The following MGAT5 variants were observed in gnomAD, a reference collection of about 807,000 sequenced individuals.
MGAT5 encodes the protein alpha-1,6-mannosylglycoprotein 6-beta-N-acetylglucosaminyltransferase.
A neutral mutation model predicts 94.3 loss-of-function variants in MGAT5; 30 were observed. The ratio of observed to expected loss-of-function variants is 0.32; its 90% CI spans 0.24 to 0.43. The LOEUF is 0.43. Among genes scored for constraint, MGAT5 ranks in the 20% least tolerant of loss-of-function variants. MGAT5 has a pLI of 1.00. For missense variants in MGAT5, 691 were observed against 905.5 expected (o/e 0.76, Z 3.04); for synonymous variants, 310 against 322.9 (o/e 0.96, Z 0.43).
At chr2:134,150,998 C>T (rs1267923432) in intron 1 of MGAT5, among the ~76,000 whole-genome samples, 1 of 152,166 alleles carries the variant, frequency 6.6e-6, no homozygotes, top group African/African-American at 2.4e-5. Flanking sequence ...GCACCCCACC[C>T]CTGCATGTTC....
intron 8 of MGAT5, among the ~76,000 whole-genome samples, chr2:134,345,811 T>C (rs1688889178): frequency 6.6e-6 from 1 of 152,146 alleles, no homozygotes. Flanking sequence ...TAGCTGTGAG[T>C]CTCAGCATTC....
intron 8 of MGAT5, 42 bp downstream of exon 8, chr2:134,345,106 C>T (rs1265405872): frequency 1.3e-6 from 2 of 1,586,192 alleles, no homozygotes; most frequent in African/African-American, 1.3e-5. Context: ...TTTTTTTCCC[C>T]TCCTTAACAA....
At chr2:134,168,273 A>G (rs1345225302) in intron 1 of MGAT5, among the ~76,000 whole-genome samples, 1 of 152,198 alleles carries the variant, frequency 6.6e-6, no homozygotes. Context: ...AGACACAAAA[A>G]GATGGGGGGT....
chr2:134,129,727 T>G (rs572761089), intron 1 of MGAT5, among the ~76,000 whole-genome samples: 1 of 152,274 alleles, frequency 6.6e-6, no homozygotes, highest in African/African-American at 2.4e-5. Flanking sequence ...GCTGAGTACT[T>G]TTTTTACTTG....
intron 2 of MGAT5, among the ~76,000 whole-genome samples, chr2:134,275,621 T>C (rs780190006): frequency 1.4e-4 from 20 of 146,300 alleles, no homozygotes; most frequent in Non-Finnish European, 4.5e-5. Flanking sequence ...TCTCGCTCTG[T>C]TGCTCAGGCC....
intron 1 of MGAT5, among the ~76,000 whole-genome samples, chr2:134,128,896 T>C (rs1458826764): frequency 6.6e-6 from 1 of 152,194 alleles, no homozygotes; most frequent in Non-Finnish European, 1.5e-5. Context: ...CTTTCCATTT[T>C]TTGATGCCAT....
intron 1 of MGAT5, among the ~76,000 whole-genome samples, chr2:134,229,807 C>G (rs867219052): frequency 6.6e-6 from 1 of 152,092 alleles, no homozygotes; most frequent in Non-Finnish European, 1.5e-5. Flanking sequence ...GTAAATAACT[C>G]CTACAACTCA....
intron 14 of MGAT5, among the ~76,000 whole-genome samples, chr2:134,432,118 G>T (rs1406698651): frequency 6.6e-6 from 1 of 152,216 alleles, no homozygotes; most frequent in Non-Finnish European, 1.5e-5. Flanking sequence ...TTTTCATTAT[G>T]CATTTCTTGG....
chr2:134,148,605 A>G (rs968093518), intron 1 of MGAT5, among the ~76,000 whole-genome samples: 8 of 152,244 alleles, frequency 5.3e-5, no homozygotes, highest in East Asian at 1.9e-4. Flanking sequence ...TGCATAAACA[A>G]TCATTGTAGA....
intron 1 of MGAT5, among the ~76,000 whole-genome samples, chr2:134,263,739 G>A (rs556619096): frequency 6.6e-6 from 1 of 152,194 alleles, no homozygotes; most frequent in East Asian, 1.9e-4. Context: ...ACAATTCATT[G>A]TACTATGTAT....
intron 14 of MGAT5, among the ~76,000 whole-genome samples, chr2:134,433,363 A>G (rs116579272): frequency 0.021 from 3,201 of 152,312 alleles, 104 homozygotes; most frequent in African/African-American, 0.073. Flanking sequence ...TTCACATGCA[A>G]TCTGTGTATG....
chr2:134,335,768 G>A (rs1688298285), intron 4 of MGAT5, among the ~76,000 whole-genome samples: 1 of 152,092 alleles, frequency 6.6e-6, no homozygotes, highest in Non-Finnish European at 1.5e-5. Context: ...TGAGTTCTGT[G>A]GCTCCAATGC....
chr2:134,159,897 G>A (rs139993001), intron 1 of MGAT5, among the ~76,000 whole-genome samples: 3 of 152,274 alleles, frequency 2.0e-5, no homozygotes, highest in Non-Finnish European at 2.9e-5. Flanking sequence ...TGCTGGCGTG[G>A]CATATCTCTT....
chr2:134,144,868 G>A (rs1489562648), intron 1 of MGAT5, among the ~76,000 whole-genome samples: 1 of 152,184 alleles, frequency 6.6e-6, no homozygotes, highest in Non-Finnish European at 1.5e-5. Context: ...GGGCCTTATG[G>A]CTTGTGGAAA....
At chr2:134,434,029 C>T (rs950033358) in intron 14 of MGAT5, among the ~76,000 whole-genome samples, 3 of 152,112 alleles carry the variant, frequency 2.0e-5, no homozygotes, top group African/African-American at 7.2e-5. Flanking sequence ...GGTTTCTGGA[C>T]CCCCTTCACA....
At chr2:134,274,344 T>C (rs1684214765) in intron 2 of MGAT5, among the ~76,000 whole-genome samples, 1 of 152,372 alleles carries the variant, frequency 6.6e-6, no homozygotes, top group Non-Finnish European at 1.5e-5. Context: ...GTGATTTGCC[T>C]AGAAGTCGGA....
intron 15 of MGAT5, among the ~76,000 whole-genome samples, chr2:134,442,952 T>TG (rs1367067287): frequency 6.6e-6 from 1 of 152,148 alleles, no homozygotes; most frequent in Non-Finnish European, 1.5e-5. Flanking sequence ...GTTTAGGAAG[T>TG]GGAGTGGACC....
intron 1 of MGAT5, among the ~76,000 whole-genome samples, chr2:134,261,600 C>T (rs1683339602): frequency 6.6e-6 from 1 of 152,194 alleles, no homozygotes; most frequent in East Asian, 1.9e-4. Context: ...AGCCTTCCCT[C>T]CTTCACAGGA....
At chr2:134,371,954 A>AC (rs1334309801) in intron 10 of MGAT5, among the ~76,000 whole-genome samples, 1 of 151,754 alleles carries the variant, frequency 6.6e-6, no homozygotes, top group East Asian at 1.9e-4. Context: ...TAAAAAAAAA[A>AC]AAAAAAACCT....
Sources: gnomAD v4.1 joint callset for allele counts (sites outside exome capture counted in the v4.1 genomes callset) on GRCh38, gnomAD v4.1.1 for gene constraint, MANE v1.5 for transcripts, NCBI Gene and HGNC (gene_info 2026-07-23, HGNC 2026-07-21) for gene names.